The following SEMA3E variants were observed in gnomAD, a reference collection of about 807,000 sequenced individuals.
SEMA3E encodes semaphorin 3E, also known as semaphorin-3E.
In SEMA3E, 49 loss-of-function variants were observed where a neutral mutation model predicts 93.6. That is an observed-to-expected ratio of 0.52 (90% CI 0.42 to 0.66). The LOEUF (loss-of-function observed/expected upper bound fraction) is 0.66, where lower values mean the gene tolerates loss of function less well. SEMA3E is among the 30% of genes least tolerant of loss of function. SEMA3E has a pLI of 0.00. For missense variants in SEMA3E, 906 were observed against 964.8 expected, an observed-to-expected ratio of 0.94 and a Z score of 0.81; for synonymous variants, 363 against 330.7, an observed-to-expected ratio of 1.10 and a Z score of -1.06.
chr7:83,503,373 A>G (rs1412531917), intron 1 of SEMA3E, among the ~76,000 whole-genome samples: 2 of 152,170 alleles, frequency 1.3e-5, no homozygotes, highest in African/African-American at 4.8e-5. Flanking sequence ...TCAGCCTGAA[A>G]TAAACTATAC....
At chr7:83,648,358 G>T (rs904055079) in intron 1 of SEMA3E, 70 bp downstream of exon 1, 3 of 1,215,798 alleles carry the variant, frequency 2.5e-6, no homozygotes, top group Non-Finnish European at 2.4e-6. Context: ...AATGTTAAAC[G>T]ACTTTTTTTT....
intron 16 of SEMA3E, among the ~76,000 whole-genome samples, chr7:83,379,843 A>G (rs964641637): frequency 6.6e-6 from 1 of 151,930 alleles, no homozygotes; most frequent in Non-Finnish European, 1.5e-5. Context: ...TAAAAATATT[A>G]ATCATGCTTG....
chr7:83,386,085 A>C (rs1787874591), intron 15 of SEMA3E, among the ~76,000 whole-genome samples: 1 of 152,098 alleles, frequency 6.6e-6, no homozygotes, highest in Non-Finnish European at 1.5e-5. Flanking sequence ...AACTAAGACA[A>C]ATTCAATAAC....
chr7:83,530,648 G>A (rs988196196), intron 1 of SEMA3E, among the ~76,000 whole-genome samples: 2 of 152,160 alleles, frequency 1.3e-5, no homozygotes, highest in South Asian at 2.1e-4. Context: ...AGGCTGAGGC[G>A]GGTGGATCCC....
At chr7:83,514,188 G>A (rs1289966008) in intron 1 of SEMA3E, among the ~76,000 whole-genome samples, 4 of 152,064 alleles carry the variant, frequency 2.6e-5, no homozygotes, top group South Asian at 2.1e-4. Context: ...GGGTGGAGGC[G>A]CATGAATAAT....
chr7:83,527,182 T>TG (rs1554335290), intron 1 of SEMA3E, among the ~76,000 whole-genome samples: 2 of 105,774 alleles, frequency 1.9e-5, no homozygotes, highest in Non-Finnish European at 4.9e-5. Context: ...AGCTAAGAAG[T>TG]GGGGGGGAAA....
At chr7:83,498,811 G>T (rs1790542237) in intron 1 of SEMA3E, among the ~76,000 whole-genome samples, 1 of 152,064 alleles carries the variant, frequency 6.6e-6, no homozygotes, top group Admixed American at 6.6e-5. Context: ...TGGTTCAAAA[G>T]CCAAAAGATA....
rs74827498 is a variant in SEMA3E, at chr7:83,510,865, C to T, written c.116-20591G>A. On this transcript the variant is annotated intron_variant, in intron 1 of 16. Coordinates refer to ENST00000643230, the MANE Select transcript of SEMA3E (RefSeq NM_012431.3). ...TCCCTTGTCTGGCCAATGAGATAAC[C>T]CTCGTGGTGAATCTAATTTGATGAA... Among the ~76,000 whole-genome samples, 1,116 of 152,188 alleles carry T rather than the reference C, an allele frequency of 7.3e-3. 13 individuals are homozygous for T. The highest frequency in any genetic ancestry group is 0.026 in the African/African-American group (1,079 of 41,520).
chr7:83,405,871 A>G, intron 8 of SEMA3E, 74 bp downstream of exon 8: 3 of 1,105,474 alleles, frequency 2.7e-6, no homozygotes, highest in Non-Finnish European at 4.2e-6. Context: ...GCAAGTTTCT[A>G]TGTGTCCTAG....
intron 10 of SEMA3E, among the ~76,000 whole-genome samples, chr7:83,401,942 C>A (rs548598844): frequency 6.6e-6 from 1 of 152,184 alleles, no homozygotes; most frequent in South Asian, 2.1e-4. Context: ...CATCATCACC[C>A]TCACTATCAT....
chr7:83,599,891 C>T (rs377689921), intron 1 of SEMA3E, among the ~76,000 whole-genome samples: 4 of 152,084 alleles, frequency 2.6e-5, no homozygotes, highest in East Asian at 1.9e-4. Flanking sequence ...ATGTTAGAGG[C>T]GGAACCCATG....
chr7:83,435,613 A>G (rs1788988885), intron 4 of SEMA3E, among the ~76,000 whole-genome samples: 1 of 152,098 alleles, frequency 6.6e-6, no homozygotes, highest in Non-Finnish European at 1.5e-5. Context: ...TAAAATAAAT[A>G]AAGAAAGAAA....
chr7:83,587,660 A>T (rs183469309), intron 1 of SEMA3E, among the ~76,000 whole-genome samples: 2 of 152,200 alleles, frequency 1.3e-5, no homozygotes, highest in East Asian at 1.9e-4. Context: ...AAAGTTGTGG[A>T]TATATGGTTG....
chr7:83,539,347 A>G (rs1157470980), intron 1 of SEMA3E, among the ~76,000 whole-genome samples: 1 of 152,162 alleles, frequency 6.6e-6, no homozygotes, highest in Non-Finnish European at 1.5e-5. Flanking sequence ...TAAGAAACCT[A>G]ACTTTTCCAG....
chr7:83,385,218 T>A, intron 16 of SEMA3E, 76 bp downstream of exon 16: 1 of 1,524,022 alleles, frequency 6.6e-7, no homozygotes, highest in Non-Finnish European at 9.0e-7. Flanking sequence ...TTTTTCAGCA[T>A]CCAAATAAAT....
rs1452562595 is a variant in SEMA3E, at chr7:83,619,878, A to AGAT, written c.115+28547_115+28549dup. Among the ~76,000 whole-genome samples, 2 of 149,138 alleles carry AGAT rather than the reference A, an allele frequency of 1.3e-5. 1 individual carries two copies. The highest frequency in any genetic ancestry group is 4.2e-4 in the South Asian group (2 of 4,726). On this transcript the variant is annotated intron_variant, in intron 1 of 16. Coordinates refer to ENST00000643230, the MANE Select transcript of SEMA3E (RefSeq NM_012431.3). Reference sequence around the variant, plus strand: ...TGTGTACCTGTGGACAGAGATAGATAGATAGATGATAGATAGATAGATAGA... The same window carrying AGAT: ...TGTGTACCTGTGGACAGAGATAGATAGATGATAGATGATAGATAGATAGATAGA...
intron 4 of SEMA3E, among the ~76,000 whole-genome samples, chr7:83,432,312 T>C (rs1413646116): frequency 6.6e-6 from 1 of 151,856 alleles, no homozygotes; most frequent in Non-Finnish European, 1.5e-5. Flanking sequence ...ATGGTTTAAA[T>C]AGAAGAAATA....
intron 1 of SEMA3E, among the ~76,000 whole-genome samples, chr7:83,607,496 T>G (rs1793148661): frequency 6.6e-6 from 1 of 152,154 alleles, no homozygotes; most frequent in African/African-American, 2.4e-5. Context: ...TCATCCTCAT[T>G]TTTACCTATG....
intron 1 of SEMA3E, among the ~76,000 whole-genome samples, chr7:83,505,362 A>G (rs1273026486): frequency 3.3e-5 from 5 of 152,196 alleles, no homozygotes; most frequent in Admixed American, 2.0e-4. Flanking sequence ...TTAAAAATCT[A>G]AGTCTATTAA....
Sources: gnomAD v4.1 joint callset for allele counts (sites outside exome capture counted in the v4.1 genomes callset) on GRCh38, gnomAD v4.1.1 for gene constraint, MANE v1.5 for transcripts, NCBI Gene and HGNC (gene_info 2026-07-23, HGNC 2026-07-21) for gene names.